The following PPM1L variants were observed in gnomAD, a reference collection of about 807,000 sequenced individuals.
PPM1L encodes protein phosphatase 1L.
A neutral mutation model predicts 31.4 loss-of-function variants in PPM1L; 13 were observed. The observed-to-expected ratio is 0.41, with a 90% CI of 0.27 to 0.66. The LOEUF (loss-of-function observed/expected upper bound fraction) is 0.66. Ranked by LOEUF, PPM1L falls within the 30% of genes least tolerant of loss-of-function variation. The probability of loss-of-function intolerance (pLI) is 0.29; values close to 1 mark genes in which losing one functional copy is unlikely to be tolerated. For missense variants in PPM1L, 326 were observed against 453.7 expected, an observed-to-expected ratio of 0.72 and a Z score of 2.56; for synonymous variants, 184 against 175.4, an observed-to-expected ratio of 1.05 and a Z score of -0.39.
chr3:160,862,674 A>C (rs78316280), intron 1 of PPM1L, among the ~76,000 whole-genome samples: 2 of 142,998 alleles, frequency 1.4e-5, no homozygotes, highest in African/African-American at 2.9e-5. Context: ...ACACACACAC[A>C]CACACACACA....
At chr3:160,781,889 T>G (rs1234792075) in intron 1 of PPM1L, among the ~76,000 whole-genome samples, 1 of 152,216 alleles carries the variant, frequency 6.6e-6, no homozygotes, top group Admixed American at 6.5e-5. Context: ...TAACTTCCTG[T>G]GCCCAGCAGT....
At chr3:160,997,274 G>T (rs1435357513) in intron 2 of PPM1L, among the ~76,000 whole-genome samples, 1 of 152,156 alleles carries the variant, frequency 6.6e-6, no homozygotes, top group African/African-American at 2.4e-5. Context: ...GTAAATGCTT[G>T]CAACAAGGAG....
chr3:160,840,646 C>G (rs1325486198), intron 1 of PPM1L, among the ~76,000 whole-genome samples: 2 of 151,688 alleles, frequency 1.3e-5, no homozygotes, highest in Non-Finnish European at 2.9e-5. Context: ...GCTGCTGGCA[C>G]AAGTCTCCAA....
intron 1 of PPM1L, among the ~76,000 whole-genome samples, chr3:160,878,548 C>A (rs1712595204): frequency 2.0e-5 from 3 of 152,114 alleles, no homozygotes; most frequent in African/African-American, 7.2e-5. Flanking sequence ...CATGAGGGCC[C>A]CACCCTTGTG....
At chr3:160,842,121 G>A in intron 1 of PPM1L, 1 of 621,206 alleles carries the variant, frequency 1.6e-6, no homozygotes, top group Non-Finnish European at 2.9e-6. Context: ...CCAATACAGG[G>A]TTTCAGAAGG....
intron 1 of PPM1L, among the ~76,000 whole-genome samples, chr3:160,816,585 T>G (rs1161090609): frequency 6.6e-6 from 1 of 151,888 alleles, no homozygotes; most frequent in Non-Finnish European, 1.5e-5. Flanking sequence ...TTGAAGACAT[T>G]AGCCAACAGA....
intron 2 of PPM1L, among the ~76,000 whole-genome samples, chr3:161,018,062 G>A (rs956562917): frequency 7.2e-5 from 11 of 152,040 alleles, no homozygotes; most frequent in Non-Finnish European, 4.4e-5. Context: ...AAAGAATGGG[G>A]TATACATCTT....
At chr3:161,041,585 C>A (rs1718910859) in intron 2 of PPM1L, among the ~76,000 whole-genome samples, 1 of 152,110 alleles carries the variant, frequency 6.6e-6, no homozygotes, top group African/African-American at 2.4e-5. Context: ...CCCATCTCTA[C>A]TAAAAATACA....
intron 1 of PPM1L, among the ~76,000 whole-genome samples, chr3:160,915,067 G>T (rs1261430172): frequency 6.6e-6 from 1 of 152,136 alleles, no homozygotes; most frequent in East Asian, 1.9e-4. Flanking sequence ...GGGCAATCAG[G>T]CAGGAGAAGG....
chr3:160,871,030 A>G (rs1378911585), intron 1 of PPM1L, among the ~76,000 whole-genome samples: 1 of 152,218 alleles, frequency 6.6e-6, no homozygotes. Context: ...TGGAAGTTTA[A>G]ATAGATAACT....
intron 2 of PPM1L, among the ~76,000 whole-genome samples, chr3:161,007,082 A>G (rs1717737574): frequency 1.3e-5 from 2 of 152,212 alleles, no homozygotes; most frequent in Non-Finnish European, 2.9e-5. Context: ...TCAAGCACAT[A>G]CTGTGTGCTA....
At chr3:160,851,193 GA>G (rs962114822) in intron 1 of PPM1L, among the ~76,000 whole-genome samples, 7 of 152,054 alleles carry the variant, frequency 4.6e-5, no homozygotes, top group Non-Finnish European at 1.0e-4. Flanking sequence ...TCATTGTTTA[GA>G]AAACCAGAGG....
intron 2 of PPM1L, among the ~76,000 whole-genome samples, chr3:161,031,205 A>G: frequency 6.6e-6 from 1 of 152,214 alleles, no homozygotes; most frequent in Non-Finnish European, 1.5e-5. Context: ...GGTCAGTGCA[A>G]TTATGGCAGA....
chr3:160,881,314 TA>T lies in PPM1L; in HGVS notation c.400-80419del, dbSNP rs556562458. Among the ~76,000 whole-genome samples, 17 of 152,302 alleles carry T rather than the reference TA, an allele frequency of 1.1e-4. No homozygotes were observed. In the South Asian group the frequency reaches 3.5e-3, roughly 32 times the overall value. On this transcript the variant is annotated intron_variant, in intron 1 of 3. Coordinates refer to ENST00000498165, the MANE Select transcript of PPM1L (RefSeq NM_139245.4). ...GGTTCTAAGGGAGGGACATTTCTTT[TA>T]AATGTTTTGTTTCATTTTTTTCATG...
chr3:161,006,621 T>G (rs1717714747), intron 2 of PPM1L, among the ~76,000 whole-genome samples: 1 of 152,062 alleles, frequency 6.6e-6, no homozygotes, highest in Non-Finnish European at 1.5e-5. Context: ...TCTTTTCCCT[T>G]TACTCTGGTG....
chr3:160,907,225 T>G (rs1713792798), intron 1 of PPM1L, among the ~76,000 whole-genome samples: 1 of 152,198 alleles, frequency 6.6e-6, no homozygotes, highest in Non-Finnish European at 1.5e-5. Flanking sequence ...AGATAATATC[T>G]CAGACTACAA....
rs563911254 is a variant in PPM1L at position 161,056,932 on chromosome 3, G to A, written c.575-8471G>A. 8.6e-5 allele frequency among the ~76,000 whole-genome samples: 13 copies of A among 152,034 alleles called. No homozygotes were observed. In the South Asian group the frequency reaches 1.3e-3, roughly 15 times the overall value. On this transcript the variant is annotated intron_variant, in intron 2 of 3. Transcript: ENST00000498165. ...CAAAAATTAGCCTGGGCATGGTGGC[G>A]CACGCCTGTAATCCCAGCTACTTGG...
chr3:160,889,598 C>G (rs1050171069), intron 1 of PPM1L, among the ~76,000 whole-genome samples: 1 of 152,190 alleles, frequency 6.6e-6, no homozygotes, highest in Non-Finnish European at 1.5e-5. Context: ...ATCATTCCTT[C>G]TGAAACTATT....
At chr3:161,032,101 T>C (rs557389196) in intron 2 of PPM1L, among the ~76,000 whole-genome samples, 7 of 152,304 alleles carry the variant, frequency 4.6e-5, no homozygotes, top group African/African-American at 1.7e-4. Context: ...AATTACTCCT[T>C]TGTAATAGTA....
Sources: gnomAD v4.1 joint callset for allele counts (sites outside exome capture counted in the v4.1 genomes callset) on GRCh38, gnomAD v4.1.1 for gene constraint, MANE v1.5 for transcripts, NCBI Gene and HGNC (gene_info 2026-07-23, HGNC 2026-07-21) for gene names.